LHFPL6: variants seen among roughly 807,000 people sequenced by gnomAD.
LHFPL6 encodes LHFPL tetraspan subfamily member 6.
In LHFPL6, 9 loss-of-function variants were observed where a neutral mutation model predicts 20.6. The ratio of observed to expected loss-of-function variants is 0.44; its 90% CI spans 0.26 to 0.76. The LOEUF is 0.76. LHFPL6 is among the 30% of genes least tolerant of loss of function. The probability of loss-of-function intolerance (pLI) is 0.20; values close to 1 mark genes in which losing one functional copy is unlikely to be tolerated. For missense variants in LHFPL6, 218 were observed against 253.5 expected (o/e 0.86, Z 0.95); for synonymous variants, 105 against 98.7 (o/e 1.06, Z -0.38).
At chr13:39,346,631 T>C (rs1421757463) in intron 3 of LHFPL6, among the ~76,000 whole-genome samples, 1 of 151,996 alleles carries the variant, frequency 6.6e-6, no homozygotes, top group Non-Finnish European at 1.5e-5. Flanking sequence ...CGCCCGATCA[T>C]CCCCCAGGCA....
chr13:39,525,583 G>C lies in LHFPL6; in HGVS notation c.385+75249C>G, dbSNP rs139666336. ...TAGCATGAGGCCACTGGAAATGGAA[G>C]GTGACCAGTAAATTCACTTAAGGAC... On this transcript the variant is annotated intron_variant, in intron 2 of 3. Transcript: ENST00000379589. 2.4e-3 allele frequency among the ~76,000 whole-genome samples: 367 copies of C among 152,098 alleles called. 5 individuals are homozygous for C. Among genetic ancestry groups the C allele is most frequent in the African/African-American group, 8.3e-3 (345 of 41,484 alleles).
intron 3 of LHFPL6, among the ~76,000 whole-genome samples, chr13:39,354,045 C>T (rs973588296): frequency 6.6e-6 from 1 of 152,292 alleles, no homozygotes; most frequent in African/African-American, 2.4e-5. Context: ...ACCAGAGCAG[C>T]ACTGCAGTGG....
intron 2 of LHFPL6, among the ~76,000 whole-genome samples, chr13:39,509,982 G>A (rs1433852231): frequency 2.0e-5 from 3 of 152,128 alleles, no homozygotes; most frequent in Non-Finnish European, 4.4e-5. Context: ...TGAACCAGAC[G>A]ATATAAAAGT....
At chr13:39,369,147 G>A (rs978837735) in intron 3 of LHFPL6, among the ~76,000 whole-genome samples, 1 of 149,344 alleles carries the variant, frequency 6.7e-6, no homozygotes, top group South Asian at 2.1e-4. Flanking sequence ...AGAGAGACTA[G>A]CATATTCTCC....
In LHFPL6 at chr13:39,360,812, A is replaced by G. The variant is rs1869854190; in HGVS notation, c.485-16758T>C. ...AATGCATTCTTTTATATTCAATGGT[A>G]TAAGTTTCCCTTCTGGATTCCCACA... On this transcript the variant is annotated intron_variant, in intron 3 of 3. Coordinates refer to ENST00000379589, the MANE Select transcript of LHFPL6 (RefSeq NM_005780.3). 2.1e-5 allele frequency among the ~76,000 whole-genome samples: 2 copies of G among 95,914 alleles called. 1 individual carries two copies. Among genetic ancestry groups the G allele is most frequent in the Non-Finnish European group, 4.9e-5 (2 of 40,798 alleles). 62.9% of individuals were successfully genotyped at this position (95,914 alleles called of 152,430 possible).
At chr13:39,371,109 T>C (rs1870157223) in intron 3 of LHFPL6, among the ~76,000 whole-genome samples, 2 of 152,182 alleles carry the variant, frequency 1.3e-5, no homozygotes, top group Non-Finnish European at 2.9e-5. Context: ...CTCTCATCTT[T>C]ATCAACACTG....
At chr13:39,430,840 A>T (rs1439165413) in intron 2 of LHFPL6, among the ~76,000 whole-genome samples, 3 of 152,142 alleles carry the variant, frequency 2.0e-5, no homozygotes, top group Non-Finnish European at 4.4e-5. Context: ...TCAGCAGGAC[A>T]TGCGCAGGAT....
chr13:39,486,436 T>C (rs963979785), intron 2 of LHFPL6, among the ~76,000 whole-genome samples: 1 of 152,172 alleles, frequency 6.6e-6, no homozygotes, highest in African/African-American at 2.4e-5. Context: ...AACCCTGTCT[T>C]AGCACTTACA....
At chr13:39,415,507 A>C (rs1025174040) in intron 2 of LHFPL6, among the ~76,000 whole-genome samples, 85 of 152,216 alleles carry the variant, frequency 5.6e-4, no homozygotes, top group African/African-American at 1.9e-3. Context: ...ACTGAAAAAA[A>C]AAAAAACAAA....
chr13:39,523,540 T>G (rs1270916474), intron 2 of LHFPL6, among the ~76,000 whole-genome samples: 1 of 111,176 alleles, frequency 9.0e-6, no homozygotes, highest in Admixed American at 9.6e-5. Flanking sequence ...AGACTCCGTC[T>G]CAAAAGGAAA....
intron 2 of LHFPL6, among the ~76,000 whole-genome samples, chr13:39,475,904 C>T (rs1325337517): frequency 1.3e-5 from 2 of 152,110 alleles, no homozygotes; most frequent in Non-Finnish European, 2.9e-5. Context: ...GGCGGAGTGT[C>T]TCCCTATCCC....
chr13:39,481,893 T>C (rs2138445859), intron 2 of LHFPL6, among the ~76,000 whole-genome samples: 1 of 152,210 alleles, frequency 6.6e-6, no homozygotes, highest in Middle Eastern at 3.4e-3. Context: ...GGATTGAAAG[T>C]TGAGAGCTGG....
chr13:39,601,139 C>T lies in LHFPL6; in HGVS notation c.78G>A (p.Gly26=), dbSNP rs768226049. The T allele has an allele frequency of 6.2e-7, 1 of 1,614,106 alleles. No homozygotes were observed. Among genetic ancestry groups the T allele is most frequent in the Non-Finnish European group, 8.5e-7 (1 of 1,180,026 alleles). ...CCCAGAGCCAGTAAGGCATAAAGAA[C>T]CCCACGCAGGAGGTGGCAGCACAAA... ...SFLCAATSCV[G]FFMPYWLWGS... Residue 26 remains glycine (G), a synonymous_variant, in exon 2 of 4, where the codon GGG becomes GGA. Transcript: ENST00000379589.
intron 2 of LHFPL6, among the ~76,000 whole-genome samples, chr13:39,574,117 C>T (rs1034106460): frequency 5.9e-5 from 9 of 152,174 alleles, no homozygotes; most frequent in Non-Finnish European, 1.2e-4. Context: ...GCTGCATACT[C>T]CTGACTTCTC....
chr13:39,560,653 T>A (rs952207011), intron 2 of LHFPL6, among the ~76,000 whole-genome samples: 1 of 152,024 alleles, frequency 6.6e-6, no homozygotes, highest in East Asian at 1.9e-4. Context: ...TAGCTGGAAC[T>A]ACAGGTGCCC....
chr13:39,599,252 T>C (rs1244644683), intron 2 of LHFPL6, among the ~76,000 whole-genome samples: 1 of 152,192 alleles, frequency 6.6e-6, no homozygotes, highest in Non-Finnish European at 1.5e-5. Context: ...AAAATGAAAC[T>C]GCTTAAGCAT....
At chr13:39,419,502 A>C (rs910862784) in intron 2 of LHFPL6, among the ~76,000 whole-genome samples, 3 of 152,232 alleles carry the variant, frequency 2.0e-5, no homozygotes, top group Admixed American at 6.5e-5. Flanking sequence ...ATAACCAATA[A>C]ATGTCTCATT....
chr13:39,493,248 C>G (rs1372620988), intron 2 of LHFPL6, among the ~76,000 whole-genome samples: 1 of 147,712 alleles, frequency 6.8e-6, no homozygotes, highest in Non-Finnish European at 1.5e-5. Context: ...GTGGGCAGAT[C>G]ACCTGAAGTC....
chr13:39,477,607 G>A (rs745697196), intron 2 of LHFPL6, among the ~76,000 whole-genome samples: 2 of 152,102 alleles, frequency 1.3e-5, no homozygotes, highest in African/African-American at 2.4e-5. Flanking sequence ...TAGAGCATGC[G>A]AGAATTCATC....
Sources: allele counts gnomAD v4.1 joint callset (sites outside exome capture counted in the v4.1 genomes callset), GRCh38; gene constraint gnomAD v4.1.1; transcripts MANE v1.5; gene names NCBI Gene and HGNC (gene_info 2026-07-23, HGNC 2026-07-21).